The following ABCD2 variants were observed in gnomAD, a reference collection of about 807,000 sequenced individuals.
ABCD2 encodes ATP-binding cassette sub-family D member 2.
In ABCD2, 36 loss-of-function variants were observed where a neutral mutation model predicts 70.9. The observed-to-expected ratio is 0.51, with a 90% CI of 0.39 to 0.67. The LOEUF (loss-of-function observed/expected upper bound fraction) is 0.67, where lower values mean the gene tolerates loss of function less well. Ranked by LOEUF, ABCD2 falls within the 30% of genes least tolerant of loss-of-function variation. The pLI is 0.00. For synonymous variants in ABCD2, 304 were observed against 306.9 expected (o/e 0.99, Z 0.10); for missense variants, 729 against 890.2 (o/e 0.82, Z 2.30).
intron 6 of ABCD2, among the ~76,000 whole-genome samples, chr12:39,595,730 C>T (rs1015862640): frequency 4.6e-5 from 7 of 152,184 alleles, no homozygotes; most frequent in Admixed American, 4.6e-4. Flanking sequence ...AAATGTTACT[C>T]ATAATTTCAG....
In ABCD2 at chr12:39,619,627, C is replaced by A. The variant is rs545896129; in HGVS notation, c.-12G>T. 961 of 1,591,730 alleles carry A rather than the reference C, an allele frequency of 6.0e-4. 5 individuals are homozygous for A. The highest frequency in any genetic ancestry group is 1.0e-3 in the Middle Eastern group (6 of 5,964). On this transcript the variant is annotated 5_prime_UTR_variant, in exon 1 of 10. Coordinates refer to ENST00000308666, the MANE Select transcript of ABCD2 (RefSeq NM_005164.4). ...AGCATATGTGTCATTTTCCCAGTTA[C>A]CCAAACCGGCTTCCAAAAGAATTCG...
At chr12:39,567,009 T>C (rs1353152512) in intron 9 of ABCD2, among the ~76,000 whole-genome samples, 1 of 152,222 alleles carries the variant, frequency 6.6e-6, no homozygotes, top group African/African-American at 2.4e-5. Context: ...TTTGTTATAA[T>C]TTCTGTTCTT....
At chr12:39,548,185 A>C (rs1941044674), downstream of ABCD2, among the ~76,000 whole-genome samples, 1 of 152,142 alleles carries the variant, frequency 6.6e-6, no homozygotes, top group South Asian at 2.1e-4. Flanking sequence ...AATACTCTAC[A>C]GTGCACTATG....
At chr12:39,587,356 A>C (rs1251587887) in intron 6 of ABCD2, among the ~76,000 whole-genome samples, 2 of 152,234 alleles carry the variant, frequency 1.3e-5, no homozygotes, top group East Asian at 1.9e-4. Flanking sequence ...TTATTGAACC[A>C]GATAATTCTT....
chr12:39,585,128 G>A (rs575136004), intron 7 of ABCD2, among the ~76,000 whole-genome samples: 21 of 152,246 alleles, frequency 1.4e-4, no homozygotes, highest in African/African-American at 4.8e-4. Flanking sequence ...CCATTTTAAT[G>A]ATATTGATTC....
chr12:39,617,143 C>T lies in ABCD2; in HGVS notation c.965G>A (p.Ser322Asn). Reference protein sequence around the residue: ...HKVEMKQLQKSYKALADQMNL... With the variant: ...HKVEMKQLQKNYKALADQMNL... ...CATCTGATCTGCTAAAGCTTTGTAA[C>T]TTTTCTGAAGTTGTTTCATTTCTAC... Residue 322 changes from serine to asparagine, a missense_variant, in exon 2 of 10, where the codon AGT (serine) becomes AAT (asparagine). Physicochemically the swap from Ser to Asn is conservative, Grantham distance 46. Around this residue, in one of 3 missense-constraint regions of ABCD2, gnomAD observed 195 missense variants for 300.2 expected, o/e 0.65. Coordinates refer to ENST00000308666, the MANE Select transcript of ABCD2 (RefSeq NM_005164.4). 6.3e-7 allele frequency: 1 copy of T among 1,596,934 alleles called. No homozygotes were observed. Among genetic ancestry groups the T allele is most frequent in the South Asian group, 1.1e-5 (1 of 87,142 alleles).
At chr12:39,603,219 T>C (rs1256160566) in intron 5 of ABCD2, among the ~76,000 whole-genome samples, 1 of 152,140 alleles carries the variant, frequency 6.6e-6, no homozygotes, top group Non-Finnish European at 1.5e-5. Context: ...TCAAGTCAAA[T>C]CATTTCTTTG....
chr12:39,571,876 G>A (rs1184477766), intron 9 of ABCD2, among the ~76,000 whole-genome samples: 1 of 152,062 alleles, frequency 6.6e-6, no homozygotes, highest in Non-Finnish European at 1.5e-5. Flanking sequence ...CTCATTTGTT[G>A]TTATGGGAAA....
chr12:39,572,982 C>A (rs1941468511), intron 9 of ABCD2, among the ~76,000 whole-genome samples: 1 of 152,026 alleles, frequency 6.6e-6, no homozygotes, highest in Non-Finnish European at 1.5e-5. Context: ...GAGCCGTGTG[C>A]TGTAGTACAG....
chr12:39,572,745 A>C (rs1258723371), intron 9 of ABCD2, among the ~76,000 whole-genome samples: 1 of 152,210 alleles, frequency 6.6e-6, no homozygotes, highest in Non-Finnish European at 1.5e-5. Context: ...CAACTTTGGC[A>C]TGAAATCTGA....
In ABCD2 at chr12:39,565,709, T is replaced by G. The variant is rs996718383; in HGVS notation, c.2003+8007A>C. Among the ~76,000 whole-genome samples, 6 of 152,226 alleles carry G rather than the reference T, an allele frequency of 3.9e-5. No homozygotes were observed. The South Asian group carries it at 1.2e-3, about 32-fold the overall frequency. The stretch of plus-strand genomic sequence containing the variant: ...AGAGGGCATCCCTGTCTTGTGCCAG[T>G]TTTCAAAGGGAATGCTCCCAGTTTT... On this transcript the variant is annotated intron_variant, in intron 9 of 9. Coordinates refer to ENST00000308666, the MANE Select transcript of ABCD2 (RefSeq NM_005164.4).
chr12:39,603,203 C>A (rs1479589271), intron 5 of ABCD2, among the ~76,000 whole-genome samples: 1 of 151,994 alleles, frequency 6.6e-6, no homozygotes, highest in Admixed American at 6.6e-5. Flanking sequence ...GTTTGTAATT[C>A]TTTTATCAAG....
chr12:39,618,257 C>G (rs1253108046), intron 1 of ABCD2, among the ~76,000 whole-genome samples: 1 of 152,030 alleles, frequency 6.6e-6, no homozygotes, highest in Non-Finnish European at 1.5e-5. Context: ...AAAGGAACAA[C>G]AAAGAATATC....
chr12:39,584,140 A>G (rs548800760), intron 7 of ABCD2, among the ~76,000 whole-genome samples: 20 of 152,292 alleles, frequency 1.3e-4, no homozygotes, highest in African/African-American at 4.1e-4. Context: ...CCAACAGTGT[A>G]TAAGTGTTCT....
At chr12:39,565,429 TTGTC>T (rs1198938985) in intron 9 of ABCD2, among the ~76,000 whole-genome samples, 3 of 152,160 alleles carry the variant, frequency 2.0e-5, no homozygotes, top group African/African-American at 4.8e-5. Context: ...GGCTCTCTGT[TTGTC>T]TGTTATTGGT....
intron 6 of ABCD2, among the ~76,000 whole-genome samples, chr12:39,587,306 G>A (rs1193852857): frequency 6.6e-6 from 1 of 152,160 alleles, no homozygotes; most frequent in Non-Finnish European, 1.5e-5. Flanking sequence ...AAATGCAAAA[G>A]TAGACTTACA....
chr12:39,561,688 G>C (rs1941262118), intron 9 of ABCD2, among the ~76,000 whole-genome samples: 1 of 151,924 alleles, frequency 6.6e-6, no homozygotes, highest in Non-Finnish European at 1.5e-5. Context: ...CAACATCAGA[G>C]CACATATATA....
At chr12:39,560,072 A>G (rs557713700) in intron 9 of ABCD2, among the ~76,000 whole-genome samples, 1 of 152,298 alleles carries the variant, frequency 6.6e-6, no homozygotes, top group East Asian at 1.9e-4. Context: ...CAGGTTTGTT[A>G]CATACGTATA....
At chr12:39,564,647 G>A (rs1941315179) in intron 9 of ABCD2, among the ~76,000 whole-genome samples, 1 of 152,092 alleles carries the variant, frequency 6.6e-6, no homozygotes, top group Non-Finnish European at 1.5e-5. Context: ...GATCCCATTT[G>A]TCAATTTTGG....
Sources: gnomAD v4.1 joint callset for allele counts (sites outside exome capture counted in the v4.1 genomes callset) on GRCh38, gnomAD v4.1.1 for gene constraint, gnomAD v4.1.1 regional missense constraint, MANE v1.5 for transcripts, NCBI Gene and HGNC (gene_info 2026-07-23, HGNC 2026-07-21) for gene names.